CMPK1: variants seen among roughly 807,000 people sequenced by gnomAD.
The protein encoded by CMPK1 is cytidine/uridine monophosphate kinase 1, also known as UMP-CMP kinase.
Under a neutral mutation model 25.7 loss-of-function variants are expected in CMPK1, and 10 were observed. That is an observed-to-expected ratio of 0.39 (90% CI 0.24 to 0.66). CMPK1 has a LOEUF of 0.66. Among genes scored for constraint, CMPK1 ranks in the 30% least tolerant of loss-of-function variants. The pLI, the probability that CMPK1 is intolerant of heterozygous loss-of-function variation, is 0.48. For synonymous variants in CMPK1, 106 were observed against 101.5 expected (o/e 1.04, Z -0.27); for missense variants, 199 against 280.5 (o/e 0.71, Z 2.08).
chr1:47,342,764 C>G (rs1646450969), intron 1 of CMPK1, among the ~76,000 whole-genome samples: 1 of 150,696 alleles, frequency 6.6e-6, no homozygotes, highest in African/African-American at 2.4e-5. Context: ...ATTCTCCTGC[C>G]TCAGCCTCCC....
chr1:47,334,810 C>G (rs1482026094), intron 1 of CMPK1, among the ~76,000 whole-genome samples: 2 of 152,222 alleles, frequency 1.3e-5, no homozygotes, highest in African/African-American at 4.8e-5. Context: ...AACTCACGCT[C>G]GGCCCTCGGT....
rs1416188703 is a variant in CMPK1 at position 47,378,634 on chromosome 1, G to GT, written c.*1893dup. 3.9e-5 allele frequency: 6 copies of GT among 152,156 alleles called. No homozygotes were observed. The highest frequency in any genetic ancestry group is 3.2e-3 in the Middle Eastern group (1 of 316). 9.4% of individuals were successfully genotyped at this position (152,156 alleles called of 1,614,324 possible). A position where few individuals can be genotyped will look rare whatever the true frequency, so the allele number is the denominator to read the frequency against. On this transcript the variant is annotated 3_prime_UTR_variant, in exon 6 of 6. Coordinates refer to ENST00000371873, the MANE Select transcript of CMPK1 (RefSeq NM_016308.3). The stretch of plus-strand genomic sequence containing the variant: ...TAGAAAAACATGTTGGCAACATTGA[G>GT]TTTTGGAGTTGATTGAGATAATATG...
intron 1 of CMPK1, among the ~76,000 whole-genome samples, chr1:47,347,135 C>T (rs1020890865): frequency 5.3e-5 from 8 of 151,608 alleles, no homozygotes; most frequent in Non-Finnish European, 8.8e-5. Context: ...TTCCTCCTTT[C>T]TTCCCTCCTT....
At chr1:47,334,611 TTACTC>T (rs1371972035) in intron 1 of CMPK1, among the ~76,000 whole-genome samples, 1 of 152,212 alleles carries the variant, frequency 6.6e-6, no homozygotes, top group Non-Finnish European at 1.5e-5. Flanking sequence ...GAACGTGTCT[TTACTC>T]TAGAAAGGAG....
rs552210158 is a variant in CMPK1 at position 47,372,654 on chromosome 1, A to G, written c.319-301A>G. Among the ~76,000 whole-genome samples the G allele has an allele frequency of 2.0e-5, 3 of 152,330 alleles. No individual in the cohort carries two copies. In the South Asian group the frequency reaches 6.2e-4, roughly 32 times the overall value. ...TGTATGTGAAAGTAACATATACTTAACTGTAGAAAATTTGGAAACCACAGA... is the reference window on the plus strand; with the variant it reads ...TGTATGTGAAAGTAACATATACTTAGCTGTAGAAAATTTGGAAACCACAGA... On this transcript the variant is annotated intron_variant, in intron 2 of 5. Transcript: ENST00000371873.
chr1:47,342,663 TTTTTG>T (rs1646449907), intron 1 of CMPK1, among the ~76,000 whole-genome samples: 1 of 148,922 alleles, frequency 6.7e-6, no homozygotes, highest in African/African-American at 2.5e-5. Context: ...TTTTTTTTTT[TTTTTG>T]AGACAGGGTC....
chr1:47,363,858 G>T (rs889524261), intron 1 of CMPK1, among the ~76,000 whole-genome samples: 3 of 152,072 alleles, frequency 2.0e-5, no homozygotes, highest in African/African-American at 7.2e-5. Flanking sequence ...CAGGAGAATC[G>T]CTTGAACCTG....
rs71053104 is a variant in CMPK1, at chr1:47,339,701, CTTTTTTTT to C, written c.171+5602_171+5609del. ...TGATTTCTTTTTCTTTCTTCCTTTCCTTTTTTTTTTTTTTTTTTTTTTTTAAGACAGAG... is the reference window on the plus strand; with the variant it reads ...TGATTTCTTTTTCTTTCTTCCTTTCCTTTTTTTTTTTTTTTTAAGACAGAG... On this transcript the variant is annotated intron_variant, in intron 1 of 5. Coordinates refer to ENST00000371873, the MANE Select transcript of CMPK1 (RefSeq NM_016308.3). Among the ~76,000 whole-genome samples, 157 of 109,932 alleles carry C rather than the reference CTTTTTTTT, an allele frequency of 1.4e-3. 5 individuals are homozygous for C. Among genetic ancestry groups the C allele is most frequent in the Non-Finnish European group, 1.1e-3 (65 of 56,642 alleles). 72.1% of individuals were successfully genotyped at this position (109,932 alleles called of 152,430 possible). A position where few individuals can be genotyped will look rare whatever the true frequency, so the allele number is the denominator to read the frequency against.
At position 47,373,266 on chromosome 1, in the gene CMPK1, A is replaced by G. The variant is rs1016179435; in HGVS notation, c.471+159A>G. On this transcript the variant is annotated intron_variant, in intron 3 of 5. Transcript: ENST00000371873. ...AACAGCACTGTCTTGCTGTTGGAGT[A>G]TTAAAAACTATTTGGCATTAGCAGC... 5.9e-6 allele frequency: 3 copies of G among 506,924 alleles called. No individual in the cohort carries two copies. In the African/African-American group the frequency reaches 5.9e-5, roughly 10 times the overall value. 31.4% of individuals were successfully genotyped at this position (506,924 alleles called of 1,614,324 possible). A position where few individuals can be genotyped will look rare whatever the true frequency, so the allele number is the denominator to read the frequency against.
At chr1:47,372,240 C>T (rs1646682312) in intron 2 of CMPK1, among the ~76,000 whole-genome samples, 1 of 152,002 alleles carries the variant, frequency 6.6e-6, no homozygotes, top group Admixed American at 6.6e-5. Context: ...TTACAGGTGC[C>T]AGCCACCACG....
At chr1:47,348,805 C>G (rs1646502445) in intron 1 of CMPK1, among the ~76,000 whole-genome samples, 1 of 152,136 alleles carries the variant, frequency 6.6e-6, no homozygotes, top group Non-Finnish European at 1.5e-5. Context: ...TAATTTAACC[C>G]ACAAGCTTTA....
intron 1 of CMPK1, among the ~76,000 whole-genome samples, chr1:47,359,386 C>CTTTTTTTTT (rs71053107): frequency 1.5e-4 from 15 of 102,746 alleles, no homozygotes; most frequent in Non-Finnish European, 2.5e-4. Context: ...AACCTTTTTT[C>CTTTTTTTTT]TTTTTTTTTT....
intron 1 of CMPK1, among the ~76,000 whole-genome samples, chr1:47,349,806 T>C (rs1380070806): frequency 6.6e-6 from 1 of 152,148 alleles, no homozygotes; most frequent in African/African-American, 2.4e-5. Flanking sequence ...TGCCCAACTT[T>C]CTAATTTTTC....
chr1:47,361,128 C>T (rs867028203), intron 1 of CMPK1, among the ~76,000 whole-genome samples: 9 of 152,270 alleles, frequency 5.9e-5, no homozygotes, highest in Admixed American at 2.0e-4. Flanking sequence ...TGGTGGCTCA[C>T]ACCTGTAATC....
intron 1 of CMPK1, among the ~76,000 whole-genome samples, chr1:47,336,962 C>G (rs955987095): frequency 3.9e-5 from 6 of 151,914 alleles, no homozygotes; most frequent in Non-Finnish European, 1.5e-5. Flanking sequence ...TTAATAATAC[C>G]CATACTACTA....
chr1:47,336,888 A>G (rs1646402957), intron 1 of CMPK1, among the ~76,000 whole-genome samples: 1 of 152,228 alleles, frequency 6.6e-6, no homozygotes, highest in Non-Finnish European at 1.5e-5. Flanking sequence ...TTATATTTGA[A>G]TGCATTTAAA....
chr1:47,334,210 G>A, intron 1 of CMPK1, 94 bp downstream of exon 1: 1 of 1,156,502 alleles, frequency 8.6e-7, no homozygotes, highest in Non-Finnish European at 1.1e-6. Flanking sequence ...CGGAGTCGCC[G>A]AGCCGCAGAC....
rs1646697777 is a variant in CMPK1, at chr1:47,374,929, T to C, written c.492T>C (p.Leu164=). 1 of 1,612,688 alleles carries C rather than the reference T, an allele frequency of 6.2e-7. No individual in the cohort carries two copies. The highest frequency in any genetic ancestry group is 1.3e-5 in the African/African-American group (1 of 74,880). ...TTTAGATTTGTATTGAACGATGTCT[T>C]GAGAGGGGAAAGAGTAGTGGTAGGA... ...CNNEICIERC[L]ERGKSSGRSD... is the part of the protein sequence containing the mutation. Residue 164 remains leucine, a synonymous_variant, in exon 4 of 6, where the codon CTT becomes CTC. Coordinates refer to ENST00000371873, the MANE Select transcript of CMPK1 (RefSeq NM_016308.3).
intron 1 of CMPK1, among the ~76,000 whole-genome samples, chr1:47,360,605 GA>G (rs1646595189): frequency 6.6e-6 from 1 of 152,182 alleles, no homozygotes; most frequent in Non-Finnish European, 1.5e-5. Context: ...CAAATATGGA[GA>G]ATTACTTTTA....
Sources: allele counts gnomAD v4.1 joint callset (sites outside exome capture counted in the v4.1 genomes callset), GRCh38; gene constraint gnomAD v4.1.1; transcripts MANE v1.5; gene names NCBI Gene and HGNC (gene_info 2026-07-23, HGNC 2026-07-21).